Variants in FOXO3 observed in about 807,000 individuals in gnomAD.
FOXO3 encodes forkhead box protein O3.
A neutral mutation model predicts 41.9 loss-of-function variants in FOXO3; 4 were observed. The ratio of observed to expected loss-of-function variants is 0.10; its 90% CI spans 0.05 to 0.22. FOXO3 has a LOEUF of 0.22. Among genes scored for constraint, FOXO3 ranks in the 10% least tolerant of loss-of-function variants. The pLI, the probability that FOXO3 is intolerant of heterozygous loss-of-function variation, is 1.00. For synonymous variants in FOXO3, 318 were observed against 389.3 expected (o/e 0.82, Z 2.16); for missense variants, 534 against 906.8 (o/e 0.59, Z 5.28).
At chr6:108,649,019 A>T (rs918754921) in intron 1 of FOXO3, among the ~76,000 whole-genome samples, 38 of 150,976 alleles carry the variant, frequency 2.5e-4, no homozygotes, top group African/African-American at 8.7e-4. Flanking sequence ...AAAAAAAAAA[A>T]AAAAAAAAAA....
intron 1 of FOXO3, among the ~76,000 whole-genome samples, chr6:108,580,183 AT>A (rs11395032): frequency 2.3e-4 from 21 of 93,068 alleles, no homozygotes; most frequent in African/African-American, 5.1e-4. Context: ...GCTCTTCTTC[AT>A]TTTTTTTTTT....
At chr6:108,609,868 T>C (rs988010434) in intron 1 of FOXO3, among the ~76,000 whole-genome samples, 6 of 152,238 alleles carry the variant, frequency 3.9e-5, no homozygotes, top group African/African-American at 1.4e-4. Context: ...GGGCTCCTTT[T>C]GCCTAGACTA....
chr6:108,651,326 A>C lies in FOXO3; in HGVS notation c.622-12129A>C, dbSNP rs183399623. ...ACACTTGGAAGATAGCCTGCTTCCA[A>C]ATGCATGCACACTTGTCTGTTTTAT... On this transcript the variant is annotated intron_variant, in intron 1 of 2. Coordinates refer to ENST00000406360, the MANE Select transcript of FOXO3 (RefSeq NM_001455.4). Among the ~76,000 whole-genome samples, 12 of 152,338 alleles carry C rather than the reference A, an allele frequency of 7.9e-5. No individual in the cohort carries two copies. In the East Asian group the frequency reaches 2.3e-3, roughly 29 times the overall value.
chr6:108,628,276 T>C (rs1777868187), intron 1 of FOXO3, among the ~76,000 whole-genome samples: 1 of 152,188 alleles, frequency 6.6e-6, no homozygotes, highest in Non-Finnish European at 1.5e-5. Context: ...GAATCCAGTT[T>C]TGAAAACAAA....
In FOXO3 at chr6:108,663,904, A is replaced by T. The variant is rs780817800; in HGVS notation, c.1071A>T (p.Ser357=). 3.1e-6 allele frequency: 5 copies of T among 1,614,068 alleles called. No individual in the cohort carries two copies. Among genetic ancestry groups the T allele is most frequent in the Non-Finnish European group, 4.2e-6 (5 of 1,180,036 alleles). ...GCAGCTCAGCCAGCCTGTCACCTTCAGTAAGCAAGCCGTGCACGGTGGAAC... is the reference window on the plus strand; with the variant it reads ...GCAGCTCAGCCAGCCTGTCACCTTCTGTAAGCAAGCCGTGCACGGTGGAAC... ...LYSSSASLSP[S]VSKPCTVELP... is the part of the protein sequence containing the mutation. The change falls in exon 2 of 3, where the codon TCA becomes TCT. Residue 357 remains serine (S), a synonymous_variant. Coordinates refer to ENST00000406360, the MANE Select transcript of FOXO3 (RefSeq NM_001455.4).
intron 1 of FOXO3, among the ~76,000 whole-genome samples, chr6:108,626,161 A>G (rs1777809677): frequency 6.6e-6 from 1 of 152,184 alleles, no homozygotes; most frequent in Non-Finnish European, 1.5e-5. Flanking sequence ...CTACCATTTT[A>G]ATGTTTTGGT....
chr6:108,577,263 A>G (rs1319655921), intron 1 of FOXO3, among the ~76,000 whole-genome samples: 1 of 152,104 alleles, frequency 6.6e-6, no homozygotes, highest in Non-Finnish European at 1.5e-5. Flanking sequence ...ACTGTTACCA[A>G]GTCTTTGGCA....
intron 1 of FOXO3, among the ~76,000 whole-genome samples, chr6:108,653,551 C>T (rs1313537861): frequency 1.3e-5 from 2 of 152,064 alleles, no homozygotes; most frequent in African/African-American, 2.4e-5. Context: ...TCAGGGTCTG[C>T]GACTGTGAAG....
At position 108,681,663 on chromosome 6, in the gene FOXO3, T is replaced by TA. The variant is rs1434551317; in HGVS notation, c.*1874dup. 1 of 151,810 alleles carries TA rather than the reference T, an allele frequency of 6.6e-6. No individual in the cohort carries two copies. The highest frequency in any genetic ancestry group is 2.4e-5 in the African/African-American group (1 of 41,286). 9.4% of individuals were successfully genotyped at this position (151,810 alleles called of 1,614,324 possible). ...TTCACCCTGCCTTTTACTGAATCTGTAAATTGTTGTGCAATTGTGGTTATA... is the reference window on the plus strand; with the variant it reads ...TTCACCCTGCCTTTTACTGAATCTGTAAAATTGTTGTGCAATTGTGGTTATA... On this transcript the variant is annotated 3_prime_UTR_variant, in exon 3 of 3. Transcript: ENST00000406360.
intron 1 of FOXO3, among the ~76,000 whole-genome samples, chr6:108,602,104 T>C (rs1777070118): frequency 1.3e-5 from 2 of 152,186 alleles, no homozygotes. Context: ...TTGTTAAGGG[T>C]TTTTCCCCCT....
chr6:108,619,344 A>G (rs913952390), intron 1 of FOXO3, among the ~76,000 whole-genome samples: 2 of 152,226 alleles, frequency 1.3e-5, no homozygotes, highest in African/African-American at 2.4e-5. Context: ...TCTTTGTTGG[A>G]ATAATTGGCT....
At chr6:108,565,068 C>CT (rs1239050768) in intron 1 of FOXO3, among the ~76,000 whole-genome samples, 1 of 152,116 alleles carries the variant, frequency 6.6e-6, no homozygotes, top group African/African-American at 2.4e-5. Flanking sequence ...TCCTGAAAGG[C>CT]TTATTTGCCT....
intron 1 of FOXO3, 131 bp from the exon 2 acceptor site, chr6:108,663,324 G>A (rs1228371414): frequency 7.3e-7 from 1 of 1,369,278 alleles, no homozygotes; most frequent in Non-Finnish European, 9.7e-7. Flanking sequence ...TCCAGCATGG[G>A]CAGCAGAGTG....
At chr6:108,638,816 T>C (rs1290970112) in intron 1 of FOXO3, among the ~76,000 whole-genome samples, 1 of 152,228 alleles carries the variant, frequency 6.6e-6, no homozygotes, top group African/African-American at 2.4e-5. Context: ...GACGATTTAC[T>C]GTTTTTAGGT....
chr6:108,644,649 C>G (rs1778347144), intron 1 of FOXO3, among the ~76,000 whole-genome samples: 1 of 152,174 alleles, frequency 6.6e-6, no homozygotes, highest in African/African-American at 2.4e-5. Context: ...GAGAAACTCT[C>G]AGGTTTTCTC....
At chr6:108,631,386 GC>G (rs746631460) in intron 1 of FOXO3, among the ~76,000 whole-genome samples, 3 of 152,220 alleles carry the variant, frequency 2.0e-5, no homozygotes, top group Non-Finnish European at 2.9e-5. Context: ...GCTGTTTAGG[GC>G]CCTGACTTAT....
intron 1 of FOXO3, among the ~76,000 whole-genome samples, chr6:108,653,851 T>G (rs1220047452): frequency 6.6e-6 from 1 of 152,240 alleles, no homozygotes; most frequent in Non-Finnish European, 1.5e-5. Flanking sequence ...CTTTTATAAC[T>G]TCATGCCTGT....
intron 1 of FOXO3, among the ~76,000 whole-genome samples, chr6:108,637,843 T>A (rs1013938272): frequency 6.6e-6 from 1 of 152,196 alleles, no homozygotes; most frequent in Admixed American, 6.5e-5. Flanking sequence ...TTGTGACATA[T>A]TTTAGAAGGT....
chr6:108,598,633 GT>G (rs1231369585), intron 1 of FOXO3, among the ~76,000 whole-genome samples: 2 of 152,174 alleles, frequency 1.3e-5, no homozygotes, highest in Non-Finnish European at 2.9e-5. Context: ...AGATTTTGTT[GT>G]GGGGAGGGGA....
Sources: gnomAD v4.1 joint callset for allele counts (sites outside exome capture counted in the v4.1 genomes callset) on GRCh38, gnomAD v4.1.1 for gene constraint, MANE v1.5 for transcripts, NCBI Gene and HGNC (gene_info 2026-07-23, HGNC 2026-07-21) for gene names.